The following NAALADL2 variants were observed in gnomAD, a reference collection of about 807,000 sequenced individuals.
The protein encoded by NAALADL2 is inactive N-acetylated-alpha-linked acidic dipeptidase-like protein 2.
NAALADL2 carries 76 observed loss-of-function variants against 87.2 expected under a neutral mutation model. The ratio of observed to expected loss-of-function variants is 0.87; its 90% CI spans 0.72 to 1.05. The LOEUF (loss-of-function observed/expected upper bound fraction) is 1.05. Among genes scored for constraint, NAALADL2 ranks in the 50% least tolerant of loss-of-function variants. The pLI is 0.00. For synonymous variants in NAALADL2, 354 were observed against 331.0 expected, an observed-to-expected ratio of 1.07 and a Z score of -0.75; for missense variants, 1,089 against 945.8, an observed-to-expected ratio of 1.15 and a Z score of -1.99.
At chr3:174,786,851 A>T (rs2109176895) in intron 3 of NAALADL2, among the ~76,000 whole-genome samples, 1 of 152,266 alleles carries the variant, frequency 6.6e-6, no homozygotes, top group African/African-American at 2.4e-5. Context: ...AGATGTAAAA[A>T]TTAAATTGTC....
chr3:175,463,279 T>C (rs16848171), intron 6 of NAALADL2, 122 bp from the exon 7 acceptor site: 33,142 of 600,156 alleles, frequency 0.055, 1,683 homozygotes, highest in East Asian at 0.21. Context: ...TAACTGGCTA[T>C]CTGAGAACAT....
At chr3:175,248,147 C>T (rs183901777) in intron 3 of NAALADL2, among the ~76,000 whole-genome samples, 11 of 152,216 alleles carry the variant, frequency 7.2e-5, no homozygotes, top group Admixed American at 7.2e-4. Flanking sequence ...GGGAAAAATC[C>T]GGATTACAGA....
intron 11 of NAALADL2, among the ~76,000 whole-genome samples, chr3:175,693,313 C>G (rs777750816): frequency 6.6e-6 from 1 of 152,180 alleles, no homozygotes; most frequent in Non-Finnish European, 1.5e-5. Context: ...CTAAATTCCC[C>G]TACACTAAAT....
intron 1 of NAALADL2, among the ~76,000 whole-genome samples, chr3:174,462,783 A>G (rs1290517937): frequency 6.6e-6 from 1 of 152,222 alleles, no homozygotes; most frequent in African/African-American, 2.4e-5. Flanking sequence ...CATGTTAATA[A>G]GAGTTAGAAT....
rs567020589 is a variant in NAALADL2 at position 175,799,154 on chromosome 3, CTCTT to C, written c.2190-3850_2190-3847del. On this transcript the variant is annotated intron_variant, in intron 13 of 13. Coordinates refer to ENST00000454872, the MANE Select transcript of NAALADL2 (RefSeq NM_207015.3). ...ATTTTAAAAATATCGATTGTACTCTCTCTTAAATTCTGGAAATATGTTTGCCATT... is the reference window on the plus strand; with the variant it reads ...ATTTTAAAAATATCGATTGTACTCTCAAATTCTGGAAATATGTTTGCCATT... 1.2e-3 allele frequency among the ~76,000 whole-genome samples: 185 copies of C among 152,072 alleles called. 1 individual carries two copies. The highest frequency in any genetic ancestry group is 6.9e-3 in the Middle Eastern group (2 of 290).
At chr3:174,539,384 A>T (rs1722015183) in intron 1 of NAALADL2, among the ~76,000 whole-genome samples, 2 of 152,182 alleles carry the variant, frequency 1.3e-5, no homozygotes, top group South Asian at 4.1e-4. Flanking sequence ...GCCTTTAAAA[A>T]TTATGGTACT....
At chr3:175,507,044 C>G (rs887168547) in intron 9 of NAALADL2, among the ~76,000 whole-genome samples, 3 of 151,874 alleles carry the variant, frequency 2.0e-5, no homozygotes, top group African/African-American at 7.3e-5. Flanking sequence ...CTCAGTCATT[C>G]TCTCATCACT....
At chr3:175,002,512 A>C (rs1748392579) in intron 1 of NAALADL2, among the ~76,000 whole-genome samples, 1 of 152,146 alleles carries the variant, frequency 6.6e-6, no homozygotes, top group Non-Finnish European at 1.5e-5. Flanking sequence ...CAGTGAACCC[A>C]TGCCACTTAA....
intron 2 of NAALADL2, chr3:174,551,410 A>G (rs1055892001): frequency 6.6e-6 from 1 of 152,166 alleles, no homozygotes; most frequent in Non-Finnish European, 1.5e-5. Flanking sequence ...TATTCAGATA[A>G]TTGTTTATAT....
intron 4 of NAALADL2, among the ~76,000 whole-genome samples, chr3:175,323,364 G>A (rs576886194): frequency 0.021 from 2,975 of 144,478 alleles, 130 homozygotes; most frequent in African/African-American, 0.074. Context: ...GGGAGGGATA[G>A]CATTGGGAGA....
chr3:174,943,956 C>A lies in NAALADL2; in HGVS notation c.43+84506C>A, dbSNP rs1417531035. Among the ~76,000 whole-genome samples the A allele has an allele frequency of 2.6e-5, 4 of 152,092 alleles. No homozygotes were observed. The East Asian group carries it at 7.7e-4, about 29-fold the overall frequency. On this transcript the variant is annotated intron_variant, in intron 1 of 13. Coordinates refer to ENST00000454872, the MANE Select transcript of NAALADL2 (RefSeq NM_207015.3). ...GTTGCTAATGGCCCGATAGCTCTGG[C>A]AGGGGGTAACTGGAGGCCCAGGCCT...
chr3:175,644,513 T>C (rs1272520254), intron 11 of NAALADL2, among the ~76,000 whole-genome samples: 1 of 152,108 alleles, frequency 6.6e-6, no homozygotes, highest in African/African-American at 2.4e-5. Context: ...TCTTTCTCAA[T>C]GGTTATGCAA....
chr3:175,206,302 A>ATATATATATATATATATATGTG (rs1740885212), intron 2 of NAALADL2, among the ~76,000 whole-genome samples: 1 of 123,264 alleles, frequency 8.1e-6, no homozygotes, highest in African/African-American at 3.9e-5. Context: ...ATGTGTATAT[A>ATATATATATATATATATATGTG]TATATATATA....
At chr3:174,701,520 G>T (rs886158311) in intron 2 of NAALADL2, among the ~76,000 whole-genome samples, 6 of 152,042 alleles carry the variant, frequency 3.9e-5, no homozygotes, top group Non-Finnish European at 7.4e-5. Context: ...GTTTTGATGT[G>T]TACGTTTGTG....
chr3:174,886,445 C>A (rs978219669), intron 1 of NAALADL2, among the ~76,000 whole-genome samples: 6 of 152,088 alleles, frequency 3.9e-5, no homozygotes, highest in African/African-American at 1.4e-4. Context: ...CTGGAAACAC[C>A]CTCACAGACA....
intron 3 of NAALADL2, among the ~76,000 whole-genome samples, chr3:174,794,207 C>G (rs1717801641): frequency 1.3e-5 from 2 of 152,008 alleles, no homozygotes; most frequent in African/African-American, 2.4e-5. Context: ...AGGTTCGATT[C>G]AGAATGATAG....
At chr3:174,495,276 A>C (rs1718456828) in intron 1 of NAALADL2, among the ~76,000 whole-genome samples, 1 of 152,010 alleles carries the variant, frequency 6.6e-6, no homozygotes, top group Non-Finnish European at 1.5e-5. Context: ...AAAAAAAAAA[A>C]AAAAACAGCC....
intron 1 of NAALADL2, among the ~76,000 whole-genome samples, chr3:174,483,691 TAA>T (rs1251826497): frequency 5.9e-5 from 9 of 152,112 alleles, no homozygotes; most frequent in African/African-American, 1.7e-4. Flanking sequence ...CCATCTGAAA[TAA>T]TGTAAATCTT....
intron 10 of NAALADL2, among the ~76,000 whole-genome samples, chr3:175,598,375 G>C (rs1722521816): frequency 6.7e-6 from 1 of 148,862 alleles, no homozygotes; most frequent in African/African-American, 2.5e-5. Flanking sequence ...AAATGCTATT[G>C]ATTCTTAAAA....
Sources: allele counts gnomAD v4.1 joint callset (sites outside exome capture counted in the v4.1 genomes callset), GRCh38; gene constraint gnomAD v4.1.1; transcripts MANE v1.5; gene names NCBI Gene and HGNC (gene_info 2026-07-23, HGNC 2026-07-21).